The following KCNB2 variants were observed in gnomAD, a reference collection of about 807,000 sequenced individuals.
KCNB2 encodes the protein potassium voltage-gated channel subfamily B member 2.
In KCNB2, 15 loss-of-function variants were observed where a neutral mutation model predicts 61.5. The observed-to-expected ratio is 0.24, with a 90% CI of 0.16 to 0.38. The LOEUF (loss-of-function observed/expected upper bound fraction) is 0.38, where lower values mean the gene tolerates loss of function less well. KCNB2 is among the 10% of genes least tolerant of loss of function. KCNB2 has a pLI of 1.00. For synonymous variants in KCNB2, 457 were observed against 446.0 expected (o/e 1.02, Z -0.31); for missense variants, 828 against 1,125.2 (o/e 0.74, Z 3.78).
intron 2 of KCNB2, among the ~76,000 whole-genome samples, chr8:72,928,539 G>T (rs139353931): frequency 3.3e-5 from 5 of 152,102 alleles, no homozygotes; most frequent in African/African-American, 1.2e-4. Flanking sequence ...TTGTATGTAT[G>T]TGTATGTGGT....
intron 2 of KCNB2, among the ~76,000 whole-genome samples, chr8:72,719,472 G>A (rs1210225958): frequency 6.6e-6 from 1 of 151,884 alleles, no homozygotes; most frequent in African/African-American, 2.4e-5. Context: ...ATATCCTGTT[G>A]TGTTTATTGC....
chr8:72,605,065 G>C (rs1397087891), intron 2 of KCNB2, among the ~76,000 whole-genome samples: 3 of 152,194 alleles, frequency 2.0e-5, no homozygotes, highest in African/African-American at 2.4e-5. Context: ...ACCTAAGCAT[G>C]GTTCACCATG....
chr8:72,651,862 G>A (rs1482029462), intron 2 of KCNB2, among the ~76,000 whole-genome samples: 1 of 151,990 alleles, frequency 6.6e-6, no homozygotes, highest in Non-Finnish European at 1.5e-5. Context: ...TTATTTGAAT[G>A]TTTAATAGAC....
At chr8:72,819,021 A>G (rs1324543156) in intron 2 of KCNB2, among the ~76,000 whole-genome samples, 1 of 152,158 alleles carries the variant, frequency 6.6e-6, no homozygotes, top group Non-Finnish European at 1.5e-5. Flanking sequence ...AGTAAAACCT[A>G]GAACTGAGAA....
intron 2 of KCNB2, among the ~76,000 whole-genome samples, chr8:72,803,762 A>G (rs530777256): frequency 6.6e-6 from 1 of 152,308 alleles, no homozygotes; most frequent in African/African-American, 2.4e-5. Context: ...GATGTCTGGC[A>G]AGGGCAGAGA....
chr8:72,806,479 A>T (rs1809225133), intron 2 of KCNB2, among the ~76,000 whole-genome samples: 1 of 151,634 alleles, frequency 6.6e-6, no homozygotes, highest in Non-Finnish European at 1.5e-5. Context: ...ATGGTGGCAC[A>T]TGCCTATAGT....
At chr8:72,638,003 C>T (rs1805993248) in intron 2 of KCNB2, among the ~76,000 whole-genome samples, 1 of 152,198 alleles carries the variant, frequency 6.6e-6, no homozygotes, top group Admixed American at 6.5e-5. Context: ...GCCAGCTTAG[C>T]CTTTGTGTTC....
chr8:72,686,526 A>G (rs191229955), intron 2 of KCNB2, among the ~76,000 whole-genome samples: 1 of 152,114 alleles, frequency 6.6e-6, no homozygotes, highest in Non-Finnish European at 1.5e-5. Context: ...CAATTTTCTT[A>G]TCTAAGAAAC....
At chr8:72,741,974 G>A (rs1807967899) in intron 2 of KCNB2, among the ~76,000 whole-genome samples, 1 of 152,170 alleles carries the variant, frequency 6.6e-6, no homozygotes, top group South Asian at 2.1e-4. Flanking sequence ...ATTTGATCTA[G>A]CAATCCCACT....
At chr8:72,675,787 C>T (rs1403723340) in intron 2 of KCNB2, among the ~76,000 whole-genome samples, 8 of 151,994 alleles carry the variant, frequency 5.3e-5, no homozygotes, top group African/African-American at 1.9e-4. Context: ...CTCCTGACCT[C>T]GTGATCCTCC....
In KCNB2 at chr8:72,937,899, G is replaced by A. The variant is rs772035581; in HGVS notation, c.2544G>A (p.Glu848=). 3.7e-6 allele frequency: 6 copies of A among 1,613,962 alleles called. No homozygotes were observed. In the African/African-American group the frequency reaches 8.0e-5, roughly 22 times the overall value. The change falls in exon 3 of 3, where the codon GAG becomes GAA. Residue 848 remains glutamate (E), a synonymous_variant. Transcript: ENST00000523207. ...ATGGGAGAGACCCTTTAAGAGAAGA[G>A]GGCAGTGTGGGCTCTTCCTCCCCGC... ...PSDGRDPLRE[E]GSVGSSSPQD... is the part of the protein sequence containing the mutation.
chr8:72,882,557 A>AGAGAGAGAGAGAGAGAGAGAGAGAGAGAG (rs1220336466), intron 2 of KCNB2, among the ~76,000 whole-genome samples: 36 of 71,642 alleles, frequency 5.0e-4, no homozygotes, highest in African/African-American at 7.0e-4. Context: ...GAGAGAGAGA[A>AGAGAGAGAGAGAGAGAGAGAGAGAGAGAG]TGTGTGTCTT....
At chr8:72,686,570 G>A (rs1585830032) in intron 2 of KCNB2, among the ~76,000 whole-genome samples, 2 of 152,258 alleles carry the variant, frequency 1.3e-5, no homozygotes, top group East Asian at 3.9e-4. Flanking sequence ...CTACAGGGCA[G>A]TAAGTTGGTA....
At chr8:72,660,320 A>G (rs1020734038) in intron 2 of KCNB2, among the ~76,000 whole-genome samples, 29 of 152,332 alleles carry the variant, frequency 1.9e-4, no homozygotes, top group African/African-American at 6.7e-4. Context: ...GTGCCCTTGC[A>G]GAGGATGAAG....
At chr8:72,704,734 A>G (rs1807190881) in intron 2 of KCNB2, among the ~76,000 whole-genome samples, 1 of 152,148 alleles carries the variant, frequency 6.6e-6, no homozygotes, top group Admixed American at 6.6e-5. Context: ...CTCCAAATAC[A>G]GTCATCCTTC....
chr8:72,775,663 C>T (rs1311107417), intron 2 of KCNB2, among the ~76,000 whole-genome samples: 1 of 151,974 alleles, frequency 6.6e-6, no homozygotes, highest in Non-Finnish European at 1.5e-5. Context: ...CCTCCTGACC[C>T]TCCCCCCTTC....
At chr8:72,601,886 C>T (rs983391997) in intron 2 of KCNB2, among the ~76,000 whole-genome samples, 1 of 152,150 alleles carries the variant, frequency 6.6e-6, no homozygotes, top group Non-Finnish European at 1.5e-5. Flanking sequence ...CTAATGAGGA[C>T]ATGAAGTCAT....
intron 2 of KCNB2, among the ~76,000 whole-genome samples, chr8:72,868,599 A>AC (rs762897308): frequency 1.1e-4 from 16 of 151,718 alleles, no homozygotes; most frequent in Non-Finnish European, 1.9e-4. Context: ...AACAAAAAAA[A>AC]CCCCAAAACA....
At chr8:72,755,471 T>C (rs1808273740) in intron 2 of KCNB2, among the ~76,000 whole-genome samples, 1 of 152,188 alleles carries the variant, frequency 6.6e-6, no homozygotes, top group African/African-American at 2.4e-5. Flanking sequence ...CTTACAAATC[T>C]AAAACTGTTC....
Sources: allele counts gnomAD v4.1 joint callset (sites outside exome capture counted in the v4.1 genomes callset), GRCh38; gene constraint gnomAD v4.1.1; transcripts MANE v1.5; gene names NCBI Gene and HGNC (gene_info 2026-07-23, HGNC 2026-07-21).